Variants in CES5A observed in about 807,000 individuals in gnomAD.
CES5A encodes carboxylesterase 5.
CES5A carries 67 observed loss-of-function variants against 62.9 expected under a neutral mutation model. The ratio of observed to expected loss-of-function variants is 1.07; its 90% CI spans 0.88 to 1.31. The LOEUF (loss-of-function observed/expected upper bound fraction) is 1.31, where lower values mean the gene tolerates loss of function less well. Among genes scored for constraint, CES5A ranks in the 50% most tolerant of loss-of-function variants. The pLI is 0.00. For missense variants in CES5A, 748 were observed against 708.5 expected, an observed-to-expected ratio of 1.06 and a Z score of -0.63; for synonymous variants, 296 against 280.8, an observed-to-expected ratio of 1.05 and a Z score of -0.54.
intron 1 of CES5A, among the ~76,000 whole-genome samples, chr16:55,910,165 C>G (rs1280945935): frequency 1.3e-5 from 2 of 152,190 alleles, no homozygotes; most frequent in Non-Finnish European, 2.9e-5. Flanking sequence ...GGCCACACCC[C>G]CTCCTCCAGG....
chr16:55,893,179 G>C (rs1389198435), intron 1 of CES5A, among the ~76,000 whole-genome samples: 8 of 152,158 alleles, frequency 5.3e-5, no homozygotes, highest in Admixed American at 4.6e-4. Context: ...CCAGAGAAGT[G>C]AGGGACTTGT....
At chr16:55,876,549 C>T (rs1187362446), upstream of CES5A, among the ~76,000 whole-genome samples, 1 of 151,948 alleles carries the variant, frequency 6.6e-6, no homozygotes. Context: ...GCCCTGACTC[C>T]CCCTCTTAGA....
intron 8 of CES5A, 137 bp from the exon 9 acceptor site, chr16:55,856,582 G>A (rs769096198): frequency 2.6e-5 from 18 of 695,090 alleles, no homozygotes; most frequent in Non-Finnish European, 4.3e-5. Context: ...ACATGTGGAA[G>A]TGGCCTCAGT....
intron 1 of CES5A, among the ~76,000 whole-genome samples, chr16:55,900,149 G>A (rs1025408679): frequency 6.6e-6 from 1 of 152,130 alleles, no homozygotes; most frequent in African/African-American, 2.4e-5. Flanking sequence ...TCCATCGCAG[G>A]CTCATTTCTC....
chr16:55,929,219 C>T (rs527308310), upstream of CES5A, among the ~76,000 whole-genome samples: 22 of 152,298 alleles, frequency 1.4e-4, no homozygotes, highest in African/African-American at 3.8e-4. Flanking sequence ...AAGGCATGGC[C>T]GAGTCAGACC....
At chr16:55,850,960 T>G (rs1335090338) in intron 10 of CES5A, among the ~76,000 whole-genome samples, 1 of 152,160 alleles carries the variant, frequency 6.6e-6, no homozygotes. Flanking sequence ...TAAAGGTAGA[T>G]TCTTCCCTCA....
chr16:55,939,308 G>A (rs1289154650), intron 2 of CES5A, among the ~76,000 whole-genome samples: 2 of 152,154 alleles, frequency 1.3e-5, no homozygotes, highest in Non-Finnish European at 2.9e-5. Context: ...TGGAAGTAGG[G>A]TTGAGGTCCA....
At chr16:55,948,142 T>C (rs1291516719) in intron 2 of CES5A, among the ~76,000 whole-genome samples, 10 of 152,122 alleles carry the variant, frequency 6.6e-5, no homozygotes, top group African/African-American at 1.2e-4. Flanking sequence ...GTTGAGGACG[T>C]GCCTGGGATA....
At chr16:55,937,338 G>T (rs1463201829) in intron 2 of CES5A, among the ~76,000 whole-genome samples, 1 of 152,196 alleles carries the variant, frequency 6.6e-6, no homozygotes, top group East Asian at 1.9e-4. Context: ...CTGGAGGGCA[G>T]GGACAGATTG....
chr16:55,926,904 A>G (rs1451186986), upstream of CES5A, among the ~76,000 whole-genome samples: 1 of 152,124 alleles, frequency 6.6e-6, no homozygotes, highest in Non-Finnish European at 1.5e-5. Context: ...CATCGCTTTG[A>G]TTGTGCATTG....
At chr16:55,880,264 A>T (rs1250969255), upstream of CES5A, among the ~76,000 whole-genome samples, 1 of 152,224 alleles carries the variant, frequency 6.6e-6, no homozygotes, top group Non-Finnish European at 1.5e-5. Flanking sequence ...GCCCCAGGGC[A>T]GAAATGTCCC....
At chr16:55,877,884 G>A (rs1244863736), upstream of CES5A, among the ~76,000 whole-genome samples, 3 of 152,198 alleles carry the variant, frequency 2.0e-5, no homozygotes, top group African/African-American at 7.2e-5. Flanking sequence ...CGAGCTGCAG[G>A]CTTTGCAATT....
At chr16:55,852,544 T>C (rs2033153009) in intron 10 of CES5A, among the ~76,000 whole-genome samples, 1 of 152,254 alleles carries the variant, frequency 6.6e-6, no homozygotes, top group Non-Finnish European at 1.5e-5. Context: ...GTAATGTTTG[T>C]TCCATTACTA....
chr16:55,926,073 T>C (rs2034255110), upstream of CES5A, among the ~76,000 whole-genome samples: 1 of 152,180 alleles, frequency 6.6e-6, no homozygotes, highest in African/African-American at 2.4e-5. Flanking sequence ...AGAGTGACTA[T>C]AGTTTATAAC....
At chr16:55,909,528 C>T (rs1256180335) in intron 1 of CES5A, among the ~76,000 whole-genome samples, 1 of 151,774 alleles carries the variant, frequency 6.6e-6, no homozygotes, top group African/African-American at 2.4e-5. Context: ...AAGGGAAAGG[C>T]TTTAATTACC....
chr16:55,892,646 A>G (rs1360780746), intron 1 of CES5A, among the ~76,000 whole-genome samples: 1 of 152,138 alleles, frequency 6.6e-6, no homozygotes, highest in African/African-American at 2.4e-5. Flanking sequence ...AGTGCTTATA[A>G]GAGCACTAAT....
chr16:55,886,930 C>A (rs2142429418), intron 1 of CES5A, among the ~76,000 whole-genome samples: 1 of 152,180 alleles, frequency 6.6e-6, no homozygotes, highest in East Asian at 1.9e-4. Context: ...GGTCTGTGAA[C>A]AAATGGCCCC....
intron 2 of CES5A, among the ~76,000 whole-genome samples, chr16:55,934,431 A>G (rs925550214): frequency 6.6e-6 from 1 of 152,250 alleles, no homozygotes; most frequent in Non-Finnish European, 1.5e-5. Context: ...GTAAATATCT[A>G]TTAATTTAAT....
intron 2 of CES5A, among the ~76,000 whole-genome samples, chr16:55,945,370 G>T (rs2142482873): frequency 6.6e-6 from 1 of 152,332 alleles, no homozygotes; most frequent in Admixed American, 6.5e-5. Flanking sequence ...TTTGAACCTG[G>T]TCTGTCTGAC....
Sources: allele counts gnomAD v4.1 joint callset (sites outside exome capture counted in the v4.1 genomes callset), GRCh38; gene constraint gnomAD v4.1.1; transcripts MANE v1.5; gene names NCBI Gene and HGNC (gene_info 2026-07-23, HGNC 2026-07-21).